The following DST variants were observed in gnomAD, a reference collection of about 807,000 sequenced individuals.
DST encodes bullous pemphigoid antigen.
A neutral mutation model predicts 875.2 loss-of-function variants in DST; 253 were observed. That is an observed-to-expected ratio of 0.29 (90% CI 0.26 to 0.32). The LOEUF is 0.32. DST is among the 10% of genes least tolerant of loss of function. DST has a pLI of 1.00. For missense variants in DST, 8,287 were observed against 9,111.6 expected (o/e 0.91, Z 3.68); for synonymous variants, 3,124 against 3,197.1 (o/e 0.98, Z 0.77).
At chr6:56,634,007 A>C (rs887817661) in intron 27 of DST, 125 bp downstream of exon 27, 9 of 1,143,704 alleles carry the variant, frequency 7.9e-6, no homozygotes, top group Admixed American at 1.7e-5. Context: ...TCATTGAATA[A>C]ATGAATATTA....
At chr6:56,490,132 T>A (rs1336846354) in intron 85 of DST, among the ~76,000 whole-genome samples, 1 of 152,186 alleles carries the variant, frequency 6.6e-6, no homozygotes, top group Non-Finnish European at 1.5e-5. Flanking sequence ...TCCTATTTAA[T>A]GCAAAGATAG....
At chr6:56,890,965 G>C (rs540487435) in intron 3 of DST, among the ~76,000 whole-genome samples, 1 of 152,134 alleles carries the variant, frequency 6.6e-6, no homozygotes, top group Non-Finnish European at 1.5e-5. Context: ...ATGGCAACAC[G>C]TCATAACACT....
chr6:56,751,634 A>C (rs1045840011), intron 4 of DST, among the ~76,000 whole-genome samples: 5 of 152,218 alleles, frequency 3.3e-5, no homozygotes, highest in African/African-American at 9.6e-5. Flanking sequence ...CCCAAGAGAT[A>C]ATAAGCCACT....
At chr6:56,468,320 T>C (rs1215765081) in intron 98 of DST, among the ~76,000 whole-genome samples, 1 of 152,176 alleles carries the variant, frequency 6.6e-6, no homozygotes, top group Non-Finnish European at 1.5e-5. Context: ...GTGCCAATAA[T>C]ATAAATATTC....
intron 4 of DST, among the ~76,000 whole-genome samples, chr6:56,754,431 T>A (rs1000004141): frequency 2.0e-5 from 3 of 152,234 alleles, no homozygotes; most frequent in African/African-American, 7.2e-5. Context: ...CTTCATTTAA[T>A]CTACTTTAGC....
rs575827379 is a variant in DST at position 56,769,590 on chromosome 6, C to T, written c.626-34301G>A. On this transcript the variant is annotated intron_variant, in intron 4 of 103. Coordinates refer to ENST00000680361, the MANE Select transcript of DST (RefSeq NM_001374736.1). ...ATCCTCACACTTTGAGAGGCCAAAGCGGGTGGATTGAGTCCAGGAATTCAG... is the reference window on the plus strand; with the variant it reads ...ATCCTCACACTTTGAGAGGCCAAAGTGGGTGGATTGAGTCCAGGAATTCAG... Among the ~76,000 whole-genome samples, 8 of 152,202 alleles carry T rather than the reference C, an allele frequency of 5.3e-5. 1 individual carries two copies. The highest frequency in any genetic ancestry group is 2.6e-4 in the Admixed American group (4 of 15,272).
At position 56,501,562 on chromosome 6, in the gene DST, T is replaced by C. The variant is rs1050039958; in HGVS notation, c.19698A>G (p.Lys6566=). 2 of 1,605,652 alleles carry C rather than the reference T, an allele frequency of 1.2e-6. No homozygotes were observed. The highest frequency in any genetic ancestry group is 1.3e-5 in the African/African-American group (1 of 74,672). The change falls in exon 79 of 104, where the codon AAA becomes AAG. Residue 6566 remains lysine (K), a synonymous_variant. Coordinates refer to ENST00000680361, the MANE Select transcript of DST (RefSeq NM_001374736.1). ...HTVQDPLMEL[K]LIWDSLEERI... ...TCTCCTCCAGGCTATCCCATATCAATTTCAGTTCCATTAATGGGTCTTGAA... is the reference window on the plus strand; with the variant it reads ...TCTCCTCCAGGCTATCCCATATCAACTTCAGTTCCATTAATGGGTCTTGAA...
At chr6:56,627,579 A>G (rs1231531797) in intron 33 of DST, among the ~76,000 whole-genome samples, 1 of 152,216 alleles carries the variant, frequency 6.6e-6, no homozygotes, top group African/African-American at 2.4e-5. Context: ...ATAGAGCTAG[A>G]GATGATTGGC....
At chr6:56,761,458 G>A (rs890505161) in intron 4 of DST, among the ~76,000 whole-genome samples, 9 of 152,176 alleles carry the variant, frequency 5.9e-5, no homozygotes, top group African/African-American at 2.2e-4. Context: ...TGTTATGTTG[G>A]TGCAAAAGTA....
At position 56,603,863 on chromosome 6, in the gene DST, C is replaced by T. The variant is rs2098469979; in HGVS notation, c.10765G>A (p.Ala3589Thr). 8 of 1,610,592 alleles carry T rather than the reference C, an allele frequency of 5.0e-6. No homozygotes were observed. In the East Asian group the frequency reaches 1.8e-4, roughly 36 times the overall value. Residue 3589 changes from alanine to threonine, a missense_variant, in exon 40 of 104, where the codon GCT becomes ACT. Ala to Thr is a moderately conservative substitution (Grantham distance 58). Coordinates refer to ENST00000680361, the MANE Select transcript of DST (RefSeq NM_001374736.1). ...TGTTCGGTTGAGCTATCTCCAGAAGCCATCTCTTTAGACCCTGAAGTACAT... is the reference window on the plus strand; with the variant it reads ...TGTTCGGTTGAGCTATCTCCAGAAGTCATCTCTTTAGACCCTGAAGTACAT... Reference protein sequence around the residue: ...LECTSGSKEMASGDSSTEQFS... With the variant: ...LECTSGSKEMTSGDSSTEQFS...
chr6:56,657,578 G>C (rs1335087907), intron 10 of DST, among the ~76,000 whole-genome samples: 1 of 152,110 alleles, frequency 6.6e-6, no homozygotes, highest in East Asian at 1.9e-4. Context: ...ACGGGTGGGG[G>C]GAGAGAGAAA....
chr6:56,917,458 A>G (rs748438855), intron 2 of DST, among the ~76,000 whole-genome samples: 1 of 152,228 alleles, frequency 6.6e-6, no homozygotes, highest in Non-Finnish European at 1.5e-5. Context: ...TCTGTCTTTG[A>G]CAATGCATTA....
At chr6:56,695,667 A>G (rs1489283778) in intron 9 of DST, among the ~76,000 whole-genome samples, 1 of 152,212 alleles carries the variant, frequency 6.6e-6, no homozygotes, top group Non-Finnish European at 1.5e-5. Context: ...CACTCTCCCA[A>G]TAAACAGAAC....
chr6:56,942,495 G>C (rs1304671105), intron 2 of DST, among the ~76,000 whole-genome samples: 2 of 151,800 alleles, frequency 1.3e-5, no homozygotes, highest in South Asian at 4.1e-4. Context: ...TAGTTGCTCT[G>C]AGAGTTAAAA....
At chr6:56,565,648 G>A (rs1015642295) in intron 55 of DST, among the ~76,000 whole-genome samples, 3 of 152,198 alleles carry the variant, frequency 2.0e-5, no homozygotes, top group African/African-American at 4.8e-5. Context: ...CTGCTGGGAG[G>A]TGTCTTCCAG....
chr6:56,692,564 G>C, intron 9 of DST: 1 of 1,289,578 alleles, frequency 7.8e-7, no homozygotes, highest in Non-Finnish European at 1.0e-6. Flanking sequence ...CTTTTTTCGA[G>C]TGATCTTTCT....
At chr6:56,750,191 C>A (rs1425636070) in intron 4 of DST, among the ~76,000 whole-genome samples, 2 of 152,116 alleles carry the variant, frequency 1.3e-5, no homozygotes, top group African/African-American at 4.8e-5. Context: ...CCAGTCAATA[C>A]CCAAAACACA....
chr6:56,650,428 T>C (rs2098969014), intron 12 of DST, among the ~76,000 whole-genome samples: 1 of 151,934 alleles, frequency 6.6e-6, no homozygotes, highest in African/African-American at 2.4e-5. Context: ...CAGAGACCTT[T>C]CCCTGCTTAC....
rs1228598219 is a variant in DST at position 56,735,255 on chromosome 6, T to C, written c.660A>G (p.Thr220=). The C allele has an allele frequency of 6.4e-7, 1 of 1,551,578 alleles. No homozygotes were observed. The highest frequency in any genetic ancestry group is 1.9e-5 in the Admixed American group (1 of 51,410). ...ERDKVQKKTF[T]KWINQHLMKV... ...TCATGAGATGCTGATTTATCCATTT[T>C]GTAAATGTTTTCTTCTGAACTTTGT... Residue 220 remains threonine (T), a synonymous_variant, in exon 5 of 104, where the codon ACA becomes ACG. Transcript: ENST00000680361.
Sources: gnomAD v4.1 joint callset for allele counts (sites outside exome capture counted in the v4.1 genomes callset) on GRCh38, gnomAD v4.1.1 for gene constraint, MANE v1.5 for transcripts, NCBI Gene and HGNC (gene_info 2026-07-23, HGNC 2026-07-21) for gene names.